Variants in VPS53 observed in about 807,000 individuals in gnomAD.
VPS53 encodes the protein VPS53 subunit of GARP complex.
In VPS53, 70 loss-of-function variants were observed where a neutral mutation model predicts 107.0. That is an observed-to-expected ratio of 0.65 (90% CI 0.54 to 0.80). The LOEUF (loss-of-function observed/expected upper bound fraction) is 0.80, where lower values mean the gene tolerates loss of function less well. Among genes scored for constraint, VPS53 ranks in the 30% least tolerant of loss-of-function variants. VPS53 has a pLI of 0.00. For missense variants in VPS53, 917 were observed against 1,049.4 expected, an observed-to-expected ratio of 0.87 and a Z score of 1.74; for synonymous variants, 409 against 393.3, an observed-to-expected ratio of 1.04 and a Z score of -0.47.
chr17:639,483 G>A (rs1970335196), intron 7 of VPS53, among the ~76,000 whole-genome samples: 1 of 152,202 alleles, frequency 6.6e-6, no homozygotes, highest in Non-Finnish European at 1.5e-5. Flanking sequence ...TTTGGAGGGG[G>A]AGAGGTGCTC....
rs77497332 is a variant in VPS53 at position 559,249 on chromosome 17, T to G, written c.1704+1177A>C. Among the ~76,000 whole-genome samples, 4 of 152,238 alleles carry G rather than the reference T, an allele frequency of 2.6e-5. No individual in the cohort carries two copies. The East Asian group carries it at 7.7e-4, about 29-fold the overall frequency. ...AAATACCCCAAATTGCTAATATGAT[T>G]ATTTGAGGATGATGGGATTAAAAGG... is the stretch of plus-strand genomic sequence containing the variant. On this transcript the variant is annotated intron_variant, in intron 15 of 21. Coordinates refer to ENST00000437048, the MANE Select transcript of VPS53 (RefSeq NM_001128159.3).
chr17:653,562 G>C, intron 6 of VPS53, 152 bp from the exon 7 acceptor site: 5 of 1,269,600 alleles, frequency 3.9e-6, no homozygotes, highest in Non-Finnish European at 5.3e-6. Flanking sequence ...GTGCGTTGTG[G>C]GAGGAAAAAA....
chr17:633,128 G>A (rs1287386266), intron 7 of VPS53, among the ~76,000 whole-genome samples: 1 of 152,148 alleles, frequency 6.6e-6, no homozygotes, highest in Non-Finnish European at 1.5e-5. Flanking sequence ...AAGGAGAAGC[G>A]GCTAGGATGG....
intron 15 of VPS53, among the ~76,000 whole-genome samples, chr17:555,421 A>T (rs1033292553): frequency 2.0e-5 from 3 of 151,376 alleles, no homozygotes; most frequent in Non-Finnish European, 4.4e-5. Context: ...CTGGTCTCAA[A>T]CTCCTGACCT....
chr17:599,179 C>T (rs1245311397), intron 12 of VPS53, among the ~76,000 whole-genome samples: 6 of 150,356 alleles, frequency 4.0e-5, no homozygotes, highest in Admixed American at 2.0e-4. Flanking sequence ...AGGTGAGGGG[C>T]GCCTCTGCCC....
chr17:602,886 G>T (rs1418565582), intron 11 of VPS53, among the ~76,000 whole-genome samples: 2 of 152,174 alleles, frequency 1.3e-5, no homozygotes, highest in African/African-American at 4.8e-5. Context: ...GAGGCCAACT[G>T]GACAAACAGA....
chr17:577,567 G>A (rs1276753163), intron 13 of VPS53, among the ~76,000 whole-genome samples: 1 of 147,750 alleles, frequency 6.8e-6, no homozygotes, highest in Non-Finnish European at 1.5e-5. Context: ...TACGTTCGCA[G>A]AGAAACTCCC....
At chr17:525,937 C>T (rs1299589297) in intron 19 of VPS53, among the ~76,000 whole-genome samples, 1 of 134,728 alleles carries the variant, frequency 7.4e-6, no homozygotes, top group Middle Eastern at 4.3e-3. Flanking sequence ...GTGAAGGTTG[C>T]AGTGAGCCGA....
intron 6 of VPS53, 106 bp downstream of exon 6, chr17:655,732 C>T: frequency 9.6e-7 from 1 of 1,042,630 alleles, no homozygotes; most frequent in Non-Finnish European, 1.4e-6. Flanking sequence ...GAAAGTGGGG[C>T]AGGATGGTGA....
chr17:621,310 C>A (rs765857058), intron 11 of VPS53, among the ~76,000 whole-genome samples: 30 of 152,204 alleles, frequency 2.0e-4, no homozygotes, highest in Non-Finnish European at 3.4e-4. Flanking sequence ...TATGGATGCA[C>A]TGTAATTTAT....
intron 3 of VPS53, among the ~76,000 whole-genome samples, chr17:698,647 G>A (rs750243066): frequency 6.6e-6 from 1 of 151,178 alleles, no homozygotes; most frequent in Admixed American, 6.6e-5. Flanking sequence ...AGGCTGCAGT[G>A]AGCTGTAACT....
At chr17:599,467 C>T (rs1968215709) in intron 12 of VPS53, among the ~76,000 whole-genome samples, 1 of 151,324 alleles carries the variant, frequency 6.6e-6, no homozygotes. Flanking sequence ...ACCCTGTGCT[C>T]TCTGAAACAT....
chr17:615,224 A>G (rs1424297369), intron 11 of VPS53, among the ~76,000 whole-genome samples: 1 of 152,232 alleles, frequency 6.6e-6, no homozygotes, highest in African/African-American at 2.4e-5. Context: ...CTCCTCAAGT[A>G]ACAGTTACAG....
chr17:539,104 T>C (rs917590764), intron 17 of VPS53: 1 of 152,184 alleles, frequency 6.6e-6, no homozygotes, highest in Non-Finnish European at 1.5e-5. Flanking sequence ...AAGCCAATCA[T>C]GTCCATAGCA....
chr17:560,431 G>A lies in VPS53; in HGVS notation c.1699C>T (p.Gln567Ter). The A allele has an allele frequency of 1.2e-6, 2 of 1,610,576 alleles. No individual in the cohort carries two copies. Among genetic ancestry groups the A allele is most frequent in the Non-Finnish European group, 1.7e-6 (2 of 1,178,906 alleles). ...STAEYCLATT[Q>*]QLEEKLKEKV... ...GGGCAGCCAGGATGGCTCACCTGCT[G>A]GGTGGTGGCCAGACAGTACTCTGCC... The change falls in exon 15 of 22, where the codon CAG (glutamine) becomes TAG (stop). Residue 567 changes from glutamine (Q) to a stop codon, truncating the protein, a stop_gained. Coordinates refer to ENST00000437048, the MANE Select transcript of VPS53 (RefSeq NM_001128159.3). LOFTEE classifies it high-confidence loss of function.
At chr17:663,188 C>T (rs838372) in intron 4 of VPS53, among the ~76,000 whole-genome samples, 58,667 of 151,952 alleles carry the variant, frequency 0.39, 13,510 homozygotes, top group Non-Finnish European at 0.52. Flanking sequence ...GGTGACTGAG[C>T]GAGATCTTGT....
chr17:576,908 C>T (rs1381611051), intron 13 of VPS53, among the ~76,000 whole-genome samples: 1 of 151,538 alleles, frequency 6.6e-6, no homozygotes, highest in South Asian at 2.1e-4. Flanking sequence ...CCCTCAGAAC[C>T]TAATGCGTTC....
At chr17:697,215 G>C (rs544711259) in intron 4 of VPS53, among the ~76,000 whole-genome samples, 17 of 152,294 alleles carry the variant, frequency 1.1e-4, no homozygotes, top group African/African-American at 4.1e-4. Flanking sequence ...TCGGGTGAGC[G>C]GTGCCACAGT....
intron 7 of VPS53, among the ~76,000 whole-genome samples, chr17:635,771 C>G (rs1351662581): frequency 6.6e-6 from 1 of 152,154 alleles, no homozygotes; most frequent in African/African-American, 2.4e-5. Flanking sequence ...TGTTTTGGTA[C>G]CAGTACCATG....
Sources: gnomAD v4.1 joint callset for allele counts (sites outside exome capture counted in the v4.1 genomes callset) on GRCh38, gnomAD v4.1.1 for gene constraint, MANE v1.5 for transcripts, NCBI Gene and HGNC (gene_info 2026-07-23, HGNC 2026-07-21) for gene names.